Variants in CNTN4 observed in about 807,000 individuals in gnomAD.
CNTN4 encodes contactin 4.
Under a neutral mutation model 122.5 loss-of-function variants are expected in CNTN4, and 77 were observed. The observed-to-expected ratio is 0.63, with a 90% CI of 0.52 to 0.76. CNTN4 has a LOEUF of 0.76. Ranked by LOEUF, CNTN4 falls within the 30% of genes least tolerant of loss-of-function variation. The pLI is 0.00. For synonymous variants in CNTN4, 512 were observed against 447.0 expected (o/e 1.15, Z -1.83); for missense variants, 1,256 against 1,259.1 (o/e 1.00, Z 0.04).
At chr3:2,225,559 G>A (rs1481221244) in intron 2 of CNTN4, among the ~76,000 whole-genome samples, 1 of 152,158 alleles carries the variant, frequency 6.6e-6, no homozygotes, top group East Asian at 1.9e-4. Flanking sequence ...CAAAAACCCA[G>A]GTCCTTTCCC....
chr3:2,530,508 C>T (rs569074951), intron 3 of CNTN4, among the ~76,000 whole-genome samples: 2 of 152,098 alleles, frequency 1.3e-5, no homozygotes, highest in East Asian at 3.9e-4. Context: ...AGGGGTTTCA[C>T]CATGTTGGCC....
rs1040713333 is a variant in CNTN4, at chr3:2,170,256, C to G, written c.-145+69617C>G. ...AATGGCGGGAACCCGGGAGGCGGAG[C>G]TTGCAGTGAGCCGAGATCGCGCCAC... On this transcript the variant is annotated intron_variant, in intron 2 of 24. Transcript: ENST00000418658. Among the ~76,000 whole-genome samples, 59 of 151,246 alleles carry G rather than the reference C, an allele frequency of 3.9e-4. No homozygotes were observed. The South Asian group carries it at 6.5e-3, about 17-fold the overall frequency.
At chr3:3,001,599 G>C (rs1239598170) in intron 14 of CNTN4, among the ~76,000 whole-genome samples, 2 of 152,116 alleles carry the variant, frequency 1.3e-5, no homozygotes, top group East Asian at 3.9e-4. Context: ...ACTGACCCCA[G>C]ACCTAATTAT....
At chr3:2,386,356 T>C (rs1239859943) in intron 3 of CNTN4, among the ~76,000 whole-genome samples, 1 of 152,138 alleles carries the variant, frequency 6.6e-6, no homozygotes, top group East Asian at 1.9e-4. Flanking sequence ...ATACAACCCA[T>C]AGTTTTTCTG....
At chr3:2,312,731 T>C (rs569962051) in intron 2 of CNTN4, among the ~76,000 whole-genome samples, 3 of 152,230 alleles carry the variant, frequency 2.0e-5, no homozygotes, top group South Asian at 2.1e-4. Context: ...AACTTTTTTT[T>C]CCAAATGTTG....
chr3:2,970,075 T>TTTG (rs149604040), intron 13 of CNTN4, among the ~76,000 whole-genome samples: 2,790 of 151,372 alleles, frequency 0.018, 93 homozygotes, highest in African/African-American at 0.064. Flanking sequence ...GCATACTGTT[T>TTTG]TTGTTGTTGT....
intron 3 of CNTN4, among the ~76,000 whole-genome samples, chr3:2,543,594 G>A (rs1481842930): frequency 6.6e-6 from 1 of 152,074 alleles, no homozygotes; most frequent in Non-Finnish European, 1.5e-5. Context: ...TAGCTTCAGT[G>A]AGGATAATAG....
intron 4 of CNTN4, among the ~76,000 whole-genome samples, chr3:2,729,306 T>C (rs1212219698): frequency 2.0e-5 from 3 of 152,066 alleles, no homozygotes; most frequent in Non-Finnish European, 4.4e-5. Flanking sequence ...GGCTCACGCC[T>C]GTAATCCTAG....
chr3:2,658,839 A>C (rs7627507), intron 4 of CNTN4, among the ~76,000 whole-genome samples: 9,261 of 152,116 alleles, frequency 0.061, 361 homozygotes, highest in African/African-American at 0.093. Flanking sequence ...CTCTATCTCC[A>C]ATAGAGCATG....
chr3:2,411,882 A>G (rs1005963500), intron 3 of CNTN4, among the ~76,000 whole-genome samples: 7 of 152,120 alleles, frequency 4.6e-5, no homozygotes, highest in Non-Finnish European at 1.0e-4. Flanking sequence ...CGTTTCATCT[A>G]TTGCTCCATA....
chr3:2,600,260 T>G (rs2080977525), intron 4 of CNTN4, among the ~76,000 whole-genome samples: 1 of 151,958 alleles, frequency 6.6e-6, no homozygotes, highest in Non-Finnish European at 1.5e-5. Flanking sequence ...ACCTGCAGGT[T>G]TGTTACATTT....
At chr3:2,825,819 G>A (rs778900869) in intron 7 of CNTN4, among the ~76,000 whole-genome samples, 5 of 152,224 alleles carry the variant, frequency 3.3e-5, no homozygotes, top group Admixed American at 6.5e-5. Flanking sequence ...CTGATTCTGC[G>A]ATTATTTTCA....
intron 23 of CNTN4, 34 bp downstream of exon 23, chr3:3,043,738 C>T (rs746950991): frequency 1.3e-5 from 18 of 1,405,286 alleles, no homozygotes; most frequent in South Asian, 2.3e-5. Context: ...GGCACCTAAT[C>T]GTGCTGTGAG....
intron 2 of CNTN4, among the ~76,000 whole-genome samples, chr3:2,189,916 A>C (rs2037447620): frequency 6.6e-6 from 1 of 152,174 alleles, no homozygotes; most frequent in Non-Finnish European, 1.5e-5. Flanking sequence ...TGATGACTTT[A>C]GAGACTCATC....
At chr3:2,434,763 A>C (rs774741867) in intron 3 of CNTN4, among the ~76,000 whole-genome samples, 1 of 152,150 alleles carries the variant, frequency 6.6e-6, no homozygotes, top group Non-Finnish European at 1.5e-5. Context: ...TGACAGACTC[A>C]AAGACCTATC....
intron 3 of CNTN4, among the ~76,000 whole-genome samples, chr3:2,376,867 A>G (rs938069126): frequency 1.1e-4 from 17 of 152,306 alleles, no homozygotes; most frequent in Admixed American, 1.1e-3. Context: ...AAAGAAAATG[A>G]CAGAGCTCAG....
At chr3:2,671,138 C>T (rs202026034) in intron 4 of CNTN4, among the ~76,000 whole-genome samples, 3 of 151,768 alleles carry the variant, frequency 2.0e-5, no homozygotes, top group Non-Finnish European at 2.9e-5. Context: ...GAATGTTGGC[C>T]TGCCTTGCTA....
At position 3,054,613 on chromosome 3, in the gene CNTN4, G is replaced by T. The variant is rs529542304; in HGVS notation, c.2980+638G>T. ...GCATGATTTTTTTGTTGTTGTGTGT[G>T]ATCTCATTTATTTAAAGAAAAAAAA... is the stretch of plus-strand genomic sequence containing the variant. On this transcript the variant is annotated intron_variant, in intron 24 of 24. Transcript: ENST00000418658. Among the ~76,000 whole-genome samples, 6 of 152,184 alleles carry T rather than the reference G, an allele frequency of 3.9e-5. 1 individual carries two copies. The highest frequency in any genetic ancestry group is 1.4e-4 in the African/African-American group (6 of 41,506).
rs577303325 is a variant in CNTN4 at position 2,693,315 on chromosome 3, A to G, written c.56-42900A>G. Reference sequence around the variant, plus strand: ...ATATATCAAGATATAGAACAGAGTTATCACAAAAATCTCCTCCGGTCCCTG... The same window carrying G: ...ATATATCAAGATATAGAACAGAGTTGTCACAAAAATCTCCTCCGGTCCCTG... On this transcript the variant is annotated intron_variant, in intron 4 of 24. Transcript: ENST00000418658. Among the ~76,000 whole-genome samples, 5 of 152,342 alleles carry G rather than the reference A, an allele frequency of 3.3e-5. No individual in the cohort carries two copies. The South Asian group carries it at 1.0e-3, about 32-fold the overall frequency.
Sources: gnomAD v4.1 joint callset for allele counts (sites outside exome capture counted in the v4.1 genomes callset) on GRCh38, gnomAD v4.1.1 for gene constraint, MANE v1.5 for transcripts, NCBI Gene and HGNC (gene_info 2026-07-23, HGNC 2026-07-21) for gene names.